The following PIEZO2 variants were observed in gnomAD, a reference collection of about 807,000 sequenced individuals.
PIEZO2 encodes piezo type mechanosensitive ion channel component 2, also known as piezo-type mechanosensitive ion channel component 2.
In PIEZO2, 172 loss-of-function variants were observed where a neutral mutation model predicts 337.3. The ratio of observed to expected loss-of-function variants is 0.51; its 90% CI spans 0.45 to 0.58. PIEZO2 has a LOEUF of 0.58. Ranked by LOEUF, PIEZO2 falls within the 20% of genes least tolerant of loss-of-function variation. The pLI is 0.00. For missense variants in PIEZO2, 3,028 were observed against 3,391.3 expected, an observed-to-expected ratio of 0.89 and a Z score of 2.66; for synonymous variants, 1,251 against 1,228.5, an observed-to-expected ratio of 1.02 and a Z score of -0.38.
Position 11,109,132 on chromosome 18 carries a change from G to A in PIEZO2, c.64+39393C>T, listed in dbSNP as rs975661722. On this transcript the variant is annotated intron_variant, in intron 1 of 55. Coordinates refer to ENST00000674853, the MANE Select transcript of PIEZO2 (RefSeq NM_001378183.1). This position sits in a 1 kb window ranked among gnomAD's most constrained non-coding sequence, Gnocchi z 5.1. Reference sequence around the variant, plus strand: ...AACTATGCATCCCTCTCCTAAGGACGCTGAGTAAACAGTCTGCACAGCTTA... The same window carrying A: ...AACTATGCATCCCTCTCCTAAGGACACTGAGTAAACAGTCTGCACAGCTTA... Among the ~76,000 whole-genome samples the A allele has an allele frequency of 2.0e-5, 3 of 152,160 alleles. No individual in the cohort carries two copies. The highest frequency in any genetic ancestry group is 2.1e-4 in the South Asian group (1 of 4,824).
chr18:10,973,452 A>G lies in PIEZO2; in HGVS notation c.286+6083T>C, dbSNP rs1244167424. On this transcript the variant is annotated intron_variant, in intron 3 of 55. Coordinates refer to ENST00000674853, the MANE Select transcript of PIEZO2 (RefSeq NM_001378183.1). This position sits in a 1 kb window ranked among gnomAD's most constrained non-coding sequence, Gnocchi z 4.9. ...GTCTCCGTGAGGCAGTGCCTCAATC[A>G]CCAGGGGTGGAAGAAAACAGCACTT... Among the ~76,000 whole-genome samples, 1 of 152,220 alleles carries G rather than the reference A, an allele frequency of 6.6e-6. No homozygotes were observed. Among genetic ancestry groups the G allele is most frequent in the Admixed American group, 6.5e-5 (1 of 15,274 alleles).
chr18:10,826,087 T>C (rs2040669015), intron 7 of PIEZO2, among the ~76,000 whole-genome samples: 1 of 152,210 alleles, frequency 6.6e-6, no homozygotes, highest in African/African-American at 2.4e-5. Flanking sequence ...TATTCCATCT[T>C]TGACCACTAC....
chr18:10,885,284 C>T (rs940849725), intron 4 of PIEZO2, among the ~76,000 whole-genome samples: 1 of 151,936 alleles, frequency 6.6e-6, no homozygotes, highest in Non-Finnish European at 1.5e-5. Flanking sequence ...ATTAGCTGGG[C>T]GTGGTGGCAG....
rs1171005829 is a variant in PIEZO2 at position 11,102,699 on chromosome 18, A to G, written c.65-36477T>C. 1.3e-5 allele frequency among the ~76,000 whole-genome samples: 2 copies of G among 152,108 alleles called. No homozygotes were observed. Among genetic ancestry groups the G allele is most frequent in the Non-Finnish European group, 2.9e-5 (2 of 68,010 alleles). On this transcript the variant is annotated intron_variant, in intron 1 of 55. Coordinates refer to ENST00000674853, the MANE Select transcript of PIEZO2 (RefSeq NM_001378183.1). The surrounding 1 kb of genome is among the most constrained non-coding windows in gnomAD (Gnocchi z 5.7). ...AGAGGGAAAGGCACTGCCCCCTTCC[A>G]ATTGCAGACTGATTCCCCTCTGCCC...
chr18:10,929,283 G>GCACGCATCATATGAAGGTGTTATGCTGC lies in PIEZO2; in HGVS notation c.287-18083_287-18056dup, dbSNP rs1282398739. Among the ~76,000 whole-genome samples the GCACGCATCATATGAAGGTGTTATGCTGC allele has an allele frequency of 5.3e-5, 8 of 152,178 alleles. No individual in the cohort carries two copies. Among genetic ancestry groups the GCACGCATCATATGAAGGTGTTATGCTGC allele is most frequent in the Non-Finnish European group, 1.0e-4 (7 of 68,032 alleles). On this transcript the variant is annotated intron_variant, in intron 3 of 55. Transcript: ENST00000674853. This position sits in a 1 kb window ranked among gnomAD's most constrained non-coding sequence, Gnocchi z 5.6. The stretch of plus-strand genomic sequence containing the variant: ...AAAAGTGTGAGCGAGCTGCAAACGT[G>GCACGCATCATATGAAGGTGTTATGCTGC]CACGCATCATATGAAGGTGTTATGC...
At chr18:10,823,354 C>G (rs1221612783) in intron 7 of PIEZO2, among the ~76,000 whole-genome samples, 1 of 152,146 alleles carries the variant, frequency 6.6e-6, no homozygotes, top group Non-Finnish European at 1.5e-5. Context: ...TGCCGCTTCT[C>G]TTTTATTCCC....
At chr18:10,818,740 T>C (rs2040436822) in intron 7 of PIEZO2, among the ~76,000 whole-genome samples, 1 of 152,198 alleles carries the variant, frequency 6.6e-6, no homozygotes, top group African/African-American at 2.4e-5. Flanking sequence ...TTCATATTAG[T>C]CTCAAAATAT....
At chr18:11,024,898 C>CA (rs773111327) in intron 2 of PIEZO2, among the ~76,000 whole-genome samples, 9 of 151,380 alleles carry the variant, frequency 5.9e-5, no homozygotes, top group Admixed American at 5.3e-4. Flanking sequence ...CGTGGCCTCC[C>CA]AAAGTGCTGG....
At chr18:11,030,655 C>T (rs888111924) in intron 2 of PIEZO2, among the ~76,000 whole-genome samples, 1 of 152,080 alleles carries the variant, frequency 6.6e-6, no homozygotes, top group African/African-American at 2.4e-5. Context: ...GCTGGTCCCT[C>T]GAGATATATG....
intron 44 of PIEZO2, among the ~76,000 whole-genome samples, chr18:10,698,411 C>CATAATT (rs2035193129): frequency 2.0e-5 from 3 of 152,016 alleles, no homozygotes; most frequent in African/African-American, 4.8e-5. Context: ...ACAGGAGCCC[C>CATAATT]ACAGATACAA....
Position 11,034,503 on chromosome 18 carries a change from C to T in PIEZO2, c.160+31624G>A, listed in dbSNP as rs187021227. Among the ~76,000 whole-genome samples, 313 of 152,186 alleles carry T rather than the reference C, an allele frequency of 2.1e-3. 1 individual carries two copies. The highest frequency in any genetic ancestry group is 5.1e-3 in the African/African-American group (210 of 41,548). ...AGAGATGGGGTTTCGCCGTGTTAGC[C>T]AGGATGGTCTCGATCTCCTGACCTC... On this transcript the variant is annotated intron_variant, in intron 2 of 55. Transcript: ENST00000674853.
At position 10,789,095 on chromosome 18, in the gene PIEZO2, C is replaced by T. The variant is rs1442390138; in HGVS notation, c.2153G>A (p.Cys718Tyr). The T allele has an allele frequency of 6.5e-7, 1 of 1,536,924 alleles. No homozygotes were observed. Among genetic ancestry groups the T allele is most frequent in the Non-Finnish European group, 8.7e-7 (1 of 1,146,696 alleles). The change falls in exon 15 of 56, where the codon TGT becomes TAT. Residue 718 changes from cysteine (C) to tyrosine (Y), a missense_variant. Physicochemically the swap from Cys to Tyr is radical, Grantham distance 194. Transcript: ENST00000674853. ...TGTACCTACCTGGTATAGGGCCACA[C>T]AGAACAGGAACAGCACCATGTAGAT... is the stretch of plus-strand genomic sequence containing the variant. ...KIIYMVLFLF[C>Y]VALYQVHYEW...
At chr18:10,770,412 T>C (rs923170412) in intron 20 of PIEZO2, 104 bp from the exon 21 acceptor site, 2 of 1,184,124 alleles carry the variant, frequency 1.7e-6, no homozygotes, top group Non-Finnish European at 2.3e-6. Context: ...TGCAAAATAA[T>C]TACAGTGGAT....
In PIEZO2 at chr18:11,078,067, C is replaced by A. The variant is rs113569048; in HGVS notation, c.65-11845G>T. On this transcript the variant is annotated intron_variant, in intron 1 of 55. Transcript: ENST00000674853. The surrounding 1 kb of genome is among the most constrained non-coding windows in gnomAD (Gnocchi z 5.3). ...ACACCCACACACACACACACACACA[C>A]CACACACACAAAAACAAACATACAC... Among the ~76,000 whole-genome samples, 2 of 142,628 alleles carry A rather than the reference C, an allele frequency of 1.4e-5. No homozygotes were observed. Among genetic ancestry groups the A allele is most frequent in the East Asian group, 2.1e-4 (1 of 4,858 alleles). 93.6% of individuals were successfully genotyped at this position (142,628 alleles called of 152,430 possible).
chr18:10,878,825 G>A lies in PIEZO2; in HGVS notation c.330-7410C>T, dbSNP rs920293502. On this transcript the variant is annotated intron_variant, in intron 4 of 55. Transcript: ENST00000674853. The surrounding 1 kb of genome is among the most constrained non-coding windows in gnomAD (Gnocchi z 4.3). ...CATAACCAGAACTACAGAAAGACCT[G>A]AAGCAAAGGACAAACATGATCCCCA... Among the ~76,000 whole-genome samples, 2 of 151,988 alleles carry A rather than the reference G, an allele frequency of 1.3e-5. No homozygotes were observed. The highest frequency in any genetic ancestry group is 4.8e-5 in the African/African-American group (2 of 41,368).
intron 33 of PIEZO2, chr18:10,740,105 A>C (rs371666071): frequency 1.3e-5 from 2 of 152,358 alleles, no homozygotes; most frequent in East Asian, 1.9e-4. Context: ...TGAAGACGAC[A>C]TTATACGTAA....
rs1180275502 is a variant in PIEZO2, at chr18:11,016,458, G to A, written c.161-36798C>T. On this transcript the variant is annotated intron_variant, in intron 2 of 55. Coordinates refer to ENST00000674853, the MANE Select transcript of PIEZO2 (RefSeq NM_001378183.1). The surrounding 1 kb of genome is among the most constrained non-coding windows in gnomAD (Gnocchi z 5.6). ...CCTTCAGGGGCCCCAGAGAGAAAGT[G>A]AACCCCTAGGAACCCCCTGCAAAGG... Among the ~76,000 whole-genome samples the A allele has an allele frequency of 6.6e-6, 1 of 152,104 alleles. No homozygotes were observed. The highest frequency in any genetic ancestry group is 1.9e-4 in the East Asian group (1 of 5,192).
At chr18:10,692,661 A>C (rs935853587) in intron 47 of PIEZO2, among the ~76,000 whole-genome samples, 18 of 152,278 alleles carry the variant, frequency 1.2e-4, no homozygotes, top group Admixed American at 8.5e-4. Context: ...CCTTCCCTAC[A>C]TCAGCTGAAT....
At position 10,726,056 on chromosome 18, in the gene PIEZO2, T is replaced by C. The variant is rs543141334; in HGVS notation, c.5029+5351A>G. Among the ~76,000 whole-genome samples the C allele has an allele frequency of 2.0e-5, 3 of 152,078 alleles. No homozygotes were observed. Among genetic ancestry groups the C allele is most frequent in the Non-Finnish European group, 2.9e-5 (2 of 68,008 alleles). ...CCAGGATGTTGGGCAGGGTGGTATA[T>C]GTATTCTTGTGTCCAGGAGGGCTGG... is the stretch of plus-strand genomic sequence containing the variant. On this transcript the variant is annotated intron_variant, in intron 36 of 55. Transcript: ENST00000674853. The surrounding 1 kb of genome is among the most constrained non-coding windows in gnomAD (Gnocchi z 5.9).
Sources: gnomAD v4.1 joint callset for allele counts (sites outside exome capture counted in the v4.1 genomes callset) on GRCh38, gnomAD v4.1.1 for gene constraint, Gnocchi (gnomAD v3.1) non-coding constraint, MANE v1.5 for transcripts, NCBI Gene and HGNC (gene_info 2026-07-23, HGNC 2026-07-21) for gene names.